Variants in TP53BP2 observed in about 807,000 individuals in gnomAD.
The protein encoded by TP53BP2 is apoptosis-stimulating of p53 protein 2.
A neutral mutation model predicts 126.2 loss-of-function variants in TP53BP2; 62 were observed. The ratio of observed to expected loss-of-function variants is 0.49; its 90% CI spans 0.40 to 0.61. The LOEUF is 0.61. TP53BP2 is among the 20% of genes least tolerant of loss of function. The pLI, the probability that TP53BP2 is intolerant of heterozygous loss-of-function variation, is 0.00. For missense variants in TP53BP2, 1,215 were observed against 1,402.8 expected (o/e 0.87, Z 2.14); for synonymous variants, 485 against 502.9 (o/e 0.96, Z 0.48).
chr1:223,845,583 G>C, intron 1 of TP53BP2, 71 bp downstream of exon 1: 1 of 1,460,712 alleles, frequency 6.8e-7, no homozygotes, highest in Non-Finnish European at 9.0e-7. Context: ...GCGCCCGAGG[G>C]CGCGGACCAG....
intron 15 of TP53BP2, among the ~76,000 whole-genome samples, chr1:223,790,043 G>A (rs528649856): frequency 7.3e-5 from 11 of 150,630 alleles, no homozygotes; most frequent in South Asian, 6.3e-4. Context: ...AGGCCGAGGC[G>A]GGCAGATCAC....
chr1:223,791,926 C>T (rs1246163713), intron 15 of TP53BP2, among the ~76,000 whole-genome samples: 3 of 152,098 alleles, frequency 2.0e-5, no homozygotes, highest in East Asian at 1.9e-4. Flanking sequence ...GTACCGCTTG[C>T]GTTTTACGTA....
intron 3 of TP53BP2, among the ~76,000 whole-genome samples, chr1:223,813,523 G>C (rs904548874): frequency 3.3e-5 from 5 of 151,872 alleles, no homozygotes; most frequent in Non-Finnish European, 5.9e-5. Flanking sequence ...CCCAGCTAAG[G>C]TATCACCTTG....
chr1:223,835,104 G>C (rs1431087864), intron 1 of TP53BP2, among the ~76,000 whole-genome samples: 1 of 152,210 alleles, frequency 6.6e-6, no homozygotes. Context: ...ACGAAGAGGA[G>C]AAAGTTAACA....
intron 13 of TP53BP2, among the ~76,000 whole-genome samples, chr1:223,794,351 T>C (rs1488700659): frequency 6.6e-6 from 1 of 152,234 alleles, no homozygotes; most frequent in Non-Finnish European, 1.5e-5. Flanking sequence ...CATTTCACAA[T>C]GTGCAATGAC....
intron 13 of TP53BP2, among the ~76,000 whole-genome samples, chr1:223,794,438 G>A (rs1160765302): frequency 1.3e-5 from 2 of 152,176 alleles, no homozygotes; most frequent in Non-Finnish European, 2.9e-5. Flanking sequence ...GACACTTGCC[G>A]ATCCCACTGT....
rs753015924 is a variant in TP53BP2 at position 223,795,995 on chromosome 1, T to C, written c.2544A>G (p.Pro848=). 7 of 1,614,082 alleles carry C rather than the reference T, an allele frequency of 4.3e-6. No homozygotes were observed. In the East Asian group the frequency reaches 1.1e-4, roughly 26 times the overall value. The change falls in exon 13 of 18, where the codon CCA becomes CCG. Residue 848 remains proline (P), a synonymous_variant. Transcript: ENST00000343537. ...GTTCTTCTGGGTTATTCTGGAGATT[T>C]GGGCTGTTGTCTGGGACTCCCTCAG... ...YEPEGVPDNS[P]NLQNNPEEPN... is the part of the protein sequence containing the mutation.
At chr1:223,781,609 G>T (rs1317115016) in intron 17 of TP53BP2, among the ~76,000 whole-genome samples, 1 of 152,052 alleles carries the variant, frequency 6.6e-6, no homozygotes, top group Non-Finnish European at 1.5e-5. Context: ...AGAAGCATAG[G>T]CTTTAATTAC....
In TP53BP2 at chr1:223,796,698, G is replaced by T. The variant is rs902215474; in HGVS notation, c.1949-108C>A. The T allele has an allele frequency of 7.9e-6, 8 of 1,010,168 alleles. No individual in the cohort carries two copies. Among genetic ancestry groups the T allele is most frequent in the Non-Finnish European group, 1.1e-5 (8 of 702,972 alleles). The allele number at this position is 1,010,168 out of a possible 1,614,324, so 62.6% of individuals were successfully genotyped here. A position where few individuals can be genotyped will look rare whatever the true frequency, so the allele number is the denominator to read the frequency against. ...TAAAGCCTCTTTTAATTTCATAGTT[G>T]TTACTACATAATCCCCTTCAAATAT... On this transcript the variant is annotated intron_variant, in intron 12 of 17. Coordinates refer to ENST00000343537, the MANE Select transcript of TP53BP2 (RefSeq NM_001031685.3). The surrounding 1 kb of genome is among the most constrained non-coding windows in gnomAD (Gnocchi z 4.2).
chr1:223,782,661 C>A (rs1661813592), intron 17 of TP53BP2, among the ~76,000 whole-genome samples: 1 of 152,110 alleles, frequency 6.6e-6, no homozygotes, highest in African/African-American at 2.4e-5. Flanking sequence ...CCATGTTGGC[C>A]AGGCTGGTCT....
rs1295268591 is a variant in TP53BP2 at position 223,780,653 on chromosome 1, T to C, written c.*200A>G. 5 of 596,188 alleles carry C rather than the reference T, an allele frequency of 8.4e-6. No homozygotes were observed. In the East Asian group the frequency reaches 1.4e-4, roughly 17 times the overall value. 36.9% of individuals were successfully genotyped at this position (596,188 alleles called of 1,614,324 possible). ...CCCAACACAGTATGGCCTGCTGACG[T>C]AGATGCTTTATTTCATCACGCTAAA... is the stretch of plus-strand genomic sequence containing the variant. On this transcript the variant is annotated 3_prime_UTR_variant, in exon 18 of 18. Transcript: ENST00000343537.
At chr1:223,827,936 A>C (rs1199742065) in intron 1 of TP53BP2, among the ~76,000 whole-genome samples, 2 of 152,210 alleles carry the variant, frequency 1.3e-5, no homozygotes, top group Admixed American at 1.3e-4. Context: ...ACTGTATTAC[A>C]AAAAGAATTA....
chr1:223,793,316 C>A lies in TP53BP2; in HGVS notation c.2849G>T (p.Arg950Ile). Residue 950 changes from arginine to isoleucine, a missense_variant, in exon 14 of 18, where the codon AGA (arginine) becomes ATA (isoleucine). Physicochemically the swap from Arg to Ile is moderately conservative, Grantham distance 97 (BLOSUM62 -3). Around this residue, in one of 4 missense-constraint regions of TP53BP2, gnomAD observed 204 missense variants for 225.7 expected, o/e 0.90. Transcript: ENST00000343537. ...SLEGEFDLVQ[R>I]IIYEVDDPSL... The stretch of plus-strand genomic sequence containing the variant: ...TTATAATCATACCTCATAAATAATT[C>A]TCTGTACAAGGTCAAATTCTCCCTC... 6.3e-7 allele frequency: 1 copy of A among 1,591,844 alleles called. No individual in the cohort carries two copies. The highest frequency in any genetic ancestry group is 8.5e-7 in the Non-Finnish European group (1 of 1,172,412).
intron 9 of TP53BP2, 148 bp from the exon 10 acceptor site, chr1:223,800,958 A>G: frequency 3.8e-6 from 2 of 532,022 alleles, no homozygotes; most frequent in Non-Finnish European, 6.5e-6. Flanking sequence ...ATACTGTATT[A>G]TATTTTATAT....
intron 13 of TP53BP2, among the ~76,000 whole-genome samples, chr1:223,793,671 A>G (rs2102841197): frequency 6.6e-6 from 1 of 152,382 alleles, no homozygotes; most frequent in African/African-American, 2.4e-5. Flanking sequence ...TTGGAGGAAC[A>G]TAACTTTATA....
At chr1:223,844,682 G>T (rs1451105742) in intron 1 of TP53BP2, among the ~76,000 whole-genome samples, 1 of 152,094 alleles carries the variant, frequency 6.6e-6, no homozygotes, top group Non-Finnish European at 1.5e-5. Context: ...AGTTTGGGAC[G>T]CCCTCCATGA....
intron 17 of TP53BP2, 144 bp from the exon 18 acceptor site, chr1:223,781,038 C>T (rs1661758932): frequency 2.7e-6 from 2 of 745,226 alleles, no homozygotes; most frequent in African/African-American, 1.8e-5. Flanking sequence ...GTGTGTGGCA[C>T]CTAGAGCTTT....
intron 2 of TP53BP2, among the ~76,000 whole-genome samples, chr1:223,818,623 G>C (rs1355520880): frequency 1.3e-5 from 2 of 151,118 alleles, no homozygotes; most frequent in Non-Finnish European, 2.9e-5. Context: ...AGGCTGGAGT[G>C]GAGTGGAGTT....
chr1:223,802,368 T>C (rs1428809723), intron 8 of TP53BP2, 24 bp from the exon 9 acceptor site: 1 of 1,600,654 alleles, frequency 6.2e-7, no homozygotes, highest in East Asian at 2.2e-5. Context: ...CACAGGTCCT[T>C]TAGTATTAAA....
Sources: allele counts gnomAD v4.1 joint callset (sites outside exome capture counted in the v4.1 genomes callset), GRCh38; gene constraint gnomAD v4.1.1; regional missense constraint gnomAD v4.1.1; non-coding constraint Gnocchi (gnomAD v3.1); transcripts MANE v1.5; gene names NCBI Gene and HGNC (gene_info 2026-07-23, HGNC 2026-07-21).